Variants in CYB5R3 observed in about 807,000 individuals in gnomAD.
CYB5R3 encodes cytochrome b5 reductase 3, also known as NADH-cytochrome b5 reductase 3.
A neutral mutation model predicts 36.5 loss-of-function variants in CYB5R3; 28 were observed. The observed-to-expected ratio is 0.77, with a 90% CI of 0.57 to 1.05. The LOEUF (loss-of-function observed/expected upper bound fraction) is 1.05. CYB5R3 is among the 50% of genes least tolerant of loss of function. CYB5R3 has a pLI of 0.00. For synonymous variants in CYB5R3, 181 were observed against 159.8 expected (o/e 1.13, Z -1.00); for missense variants, 474 against 408.9 (o/e 1.16, Z -1.37).
chr22:42,638,337 A>G (rs1929009956), intron 1 of CYB5R3, among the ~76,000 whole-genome samples: 1 of 141,698 alleles, frequency 7.1e-6, no homozygotes, highest in Non-Finnish European at 1.5e-5. Flanking sequence ...CGGAGGTTGC[A>G]GTGAGCCAAG....
intron 8 of CYB5R3, among the ~76,000 whole-genome samples, chr22:42,623,422 T>C (rs1194471083): frequency 6.6e-6 from 1 of 151,838 alleles, no homozygotes; most frequent in Non-Finnish European, 1.5e-5. Context: ...CACCTGAGAG[T>C]ATGCACGCTG....
At chr22:42,625,893 T>C (rs1294251209) in intron 7 of CYB5R3, among the ~76,000 whole-genome samples, 1 of 152,178 alleles carries the variant, frequency 6.6e-6, no homozygotes, top group Non-Finnish European at 1.5e-5. Context: ...GCTGCGTGAC[T>C]GGCAACATCA....
intron 1 of CYB5R3, among the ~76,000 whole-genome samples, chr22:42,648,938 TCACA>T (rs925393228): frequency 6.6e-6 from 1 of 151,906 alleles, no homozygotes; most frequent in Non-Finnish European, 1.5e-5. Flanking sequence ...ACACGCTCGC[TCACA>T]CACTCACACT....
At chr22:42,628,054 C>T (rs1928386982) in intron 5 of CYB5R3, 98 bp downstream of exon 5, 1 of 1,531,352 alleles carries the variant, frequency 6.5e-7, no homozygotes, top group African/African-American at 1.4e-5. Flanking sequence ...AGTCACCCAT[C>T]CACACAGAGC....
At chr22:42,638,749 A>AAAAAAAAAAAAAAAAAAAAAAAAC in intron 1 of CYB5R3, among the ~76,000 whole-genome samples, 1 of 124,318 alleles carries the variant, frequency 8.0e-6, no homozygotes, top group Non-Finnish European at 1.7e-5. Context: ...AAAAAAAAAA[A>AAAAAAAAAAAAAAAAAAAAAAAAC]AGGCCGGGCG....
rs1470884336 is a variant in CYB5R3 at position 42,619,330 on chromosome 22, G to A, written c.*443C>T. The A allele has an allele frequency of 5.1e-6, 1 of 197,804 alleles. No individual in the cohort carries two copies. Among genetic ancestry groups the A allele is most frequent in the Non-Finnish European group, 1.1e-5 (1 of 94,662 alleles). 12.3% of individuals were successfully genotyped at this position (197,804 alleles called of 1,614,324 possible). On this transcript the variant is annotated 3_prime_UTR_variant, in exon 9 of 9. Coordinates refer to ENST00000352397, the MANE Select transcript of CYB5R3 (RefSeq NM_000398.7). The stretch of plus-strand genomic sequence containing the variant: ...TGGTGAGGCCTGGGCCTGGCCCTGA[G>A]GCGGGAGTGGGGGTGACAGGCGAGG...
intron 2 of CYB5R3, among the ~76,000 whole-genome samples, chr22:42,634,314 T>C (rs892334071): frequency 5.3e-5 from 8 of 150,246 alleles, no homozygotes; most frequent in African/African-American, 2.0e-4. Context: ...TGAGCCGAGA[T>C]CACACCATTG....
chr22:42,643,183 A>G (rs1460280209), intron 1 of CYB5R3, among the ~76,000 whole-genome samples: 1 of 152,028 alleles, frequency 6.6e-6, no homozygotes, highest in African/African-American at 2.4e-5. Context: ...CTCTCCAACA[A>G]TTTGAGGAGG....
chr22:42,619,975 G>T, intron 8 of CYB5R3, 30 bp from the exon 9 acceptor site: 1 of 1,567,068 alleles, frequency 6.4e-7, no homozygotes, highest in Non-Finnish European at 8.7e-7. Context: ...GTAAGCTGAC[G>T]TGTGGCTGTG....
intron 1 of CYB5R3, among the ~76,000 whole-genome samples, chr22:42,639,275 G>C (rs780913861): frequency 6.7e-6 from 1 of 149,394 alleles, no homozygotes; most frequent in African/African-American, 2.5e-5. Context: ...AGTGAGCTGA[G>C]ATCGTGCCAC....
rs139442000 is a variant in CYB5R3, at chr22:42,619,582, G to A, written c.*191C>T. The A allele has an allele frequency of 2.3e-3, 1,421 of 610,098 alleles. 5 individuals carry two copies. The highest frequency in any genetic ancestry group is 4.6e-3 in the South Asian group (236 of 51,276). The allele number at this position is 610,098 out of a possible 1,614,324, so 37.8% of individuals were successfully genotyped here. A position where few individuals can be genotyped will look rare whatever the true frequency, so the allele number is the denominator to read the frequency against. On this transcript the variant is annotated 3_prime_UTR_variant, in exon 9 of 9. Coordinates refer to ENST00000352397, the MANE Select transcript of CYB5R3 (RefSeq NM_000398.7). ...CAGGACGTACTCTGAAGGCTCAGCCGTGGCCCATCTGGGACACAGCCCTGC... is the reference window on the plus strand; with the variant it reads ...CAGGACGTACTCTGAAGGCTCAGCCATGGCCCATCTGGGACACAGCCCTGC...
chr22:42,627,227 T>A, intron 7 of CYB5R3, 77 bp downstream of exon 7: 3 of 1,235,374 alleles, frequency 2.4e-6, no homozygotes, highest in Non-Finnish European at 3.5e-6. Flanking sequence ...TGCAGACCCC[T>A]GGAACAGCAC....
intron 2 of CYB5R3, among the ~76,000 whole-genome samples, chr22:42,635,002 T>C (rs1928818276): frequency 8.2e-6 from 1 of 122,560 alleles, no homozygotes; most frequent in South Asian, 2.7e-4. Context: ...GACGGAGTCT[T>C]GCTGTCACCC....
intron 8 of CYB5R3, among the ~76,000 whole-genome samples, chr22:42,621,173 ATTTC>A (rs1274116293): frequency 7.1e-6 from 1 of 140,616 alleles, no homozygotes; most frequent in Non-Finnish European, 1.5e-5. Context: ...TTTCACAGCG[ATTTC>A]TTTTTAGTGT....
intron 1 of CYB5R3, among the ~76,000 whole-genome samples, chr22:42,644,166 G>A (rs749936799): frequency 5.3e-5 from 8 of 152,090 alleles, no homozygotes; most frequent in Admixed American, 2.0e-4. Flanking sequence ...CCAAAGTGCT[G>A]CTCTTCCTGA....
At chr22:42,631,611 G>A (rs1362203371) in intron 2 of CYB5R3, 161 bp from the exon 3 acceptor site, 8 of 686,218 alleles carry the variant, frequency 1.2e-5, no homozygotes, top group South Asian at 6.5e-5. Context: ...AAGCACAGAT[G>A]CACACACATG....
intron 4 of CYB5R3, 110 bp downstream of exon 4, chr22:42,630,771 TG>T: frequency 2.2e-6 from 2 of 927,288 alleles, no homozygotes; most frequent in Non-Finnish European, 3.4e-6. Flanking sequence ...TGACCGAGGC[TG>T]GGCTGCACAG....
At chr22:42,622,391 C>T (rs1253511112) in intron 8 of CYB5R3, among the ~76,000 whole-genome samples, 1 of 152,150 alleles carries the variant, frequency 6.6e-6, no homozygotes, top group African/African-American at 2.4e-5. Flanking sequence ...TAGTCCTCTG[C>T]CTCCCCCACT....
At chr22:42,637,034 C>A in intron 1 of CYB5R3, 188 bp from the exon 2 acceptor site, 1 of 704,344 alleles carries the variant, frequency 1.4e-6, no homozygotes, top group Non-Finnish European at 2.5e-6. Context: ...AAAGACCAGC[C>A]TCATGACACC....
Sources: allele counts gnomAD v4.1 joint callset (sites outside exome capture counted in the v4.1 genomes callset), GRCh38; gene constraint gnomAD v4.1.1; transcripts MANE v1.5; gene names NCBI Gene and HGNC (gene_info 2026-07-23, HGNC 2026-07-21).